The following USP25 variants were observed in gnomAD, a reference collection of about 807,000 sequenced individuals.
USP25 encodes ubiquitin carboxyl-terminal hydrolase 25.
USP25 carries 85 observed loss-of-function variants against 158.5 expected under a neutral mutation model. The observed-to-expected ratio is 0.54, with a 90% confidence interval of 0.45 to 0.64. USP25 has a LOEUF of 0.64. USP25 is among the 30% of genes least tolerant of loss of function. The pLI is 0.00. For missense variants in USP25, 1,242 were observed against 1,327.3 expected, an observed-to-expected ratio of 0.94 and a Z score of 1.00; for synonymous variants, 464 against 460.4, an observed-to-expected ratio of 1.01 and a Z score of -0.10.
intron 21 of USP25, among the ~76,000 whole-genome samples, chr21:15,864,738 C>CTATA (rs905652966): frequency 2.6e-5 from 4 of 152,102 alleles, no homozygotes; most frequent in Admixed American, 1.3e-4. Flanking sequence ...AACCTCTGTA[C>CTATA]TATATAGACA....
At chr21:15,775,737 C>G (rs2034602945) in intron 3 of USP25, among the ~76,000 whole-genome samples, 1 of 24,146 alleles carries the variant, frequency 4.1e-5, no homozygotes, top group Non-Finnish European at 1.0e-4. Flanking sequence ...ATAATGGTTG[C>G]CACCCCCCCC....
chr21:15,848,308 A>C (rs908197016), intron 19 of USP25, among the ~76,000 whole-genome samples: 17 of 151,970 alleles, frequency 1.1e-4, no homozygotes, highest in Non-Finnish European at 2.4e-4. Flanking sequence ...GTTTATTCTT[A>C]TCTCTTCACT....
At chr21:15,864,475 T>C (rs1386428791) in intron 21 of USP25, 29 bp downstream of exon 21, 5 of 1,542,474 alleles carry the variant, frequency 3.2e-6, no homozygotes, top group African/African-American at 1.4e-5. Context: ...ATTCATATGC[T>C]CAAATCGTTC....
intron 1 of USP25, among the ~76,000 whole-genome samples, chr21:15,743,400 G>A (rs915961046): frequency 1.3e-5 from 2 of 152,176 alleles, no homozygotes; most frequent in South Asian, 2.1e-4. Flanking sequence ...GGAAGGCAGA[G>A]AAGAATGTTA....
At chr21:15,735,964 C>T (rs2031453583) in intron 1 of USP25, among the ~76,000 whole-genome samples, 1 of 145,042 alleles carries the variant, frequency 6.9e-6, no homozygotes, top group Non-Finnish European at 1.5e-5. Context: ...TGTCCTAAAT[C>T]TGTGTGTGTG....
intron 5 of USP25, among the ~76,000 whole-genome samples, chr21:15,792,856 C>T (rs1360527362): frequency 6.6e-6 from 1 of 151,494 alleles, no homozygotes; most frequent in Non-Finnish European, 1.5e-5. Flanking sequence ...TTTCCCAGGA[C>T]ATGAAGATGC....
intron 22 of USP25, among the ~76,000 whole-genome samples, chr21:15,867,339 T>C (rs1184291235): frequency 6.6e-6 from 1 of 152,106 alleles, no homozygotes; most frequent in African/African-American, 2.4e-5. Context: ...ATTAGTGTAA[T>C]TCACTACACA....
At chr21:15,762,867 A>T (rs778485609) in intron 1 of USP25, 24 bp from the exon 2 acceptor site, 1 of 1,598,910 alleles carries the variant, frequency 6.3e-7, no homozygotes, top group Admixed American at 1.7e-5. Context: ...GAATATAATG[A>T]TTTTGGGTTT....
At chr21:15,857,280 T>C (rs1383416268) in intron 20 of USP25, among the ~76,000 whole-genome samples, 1 of 152,234 alleles carries the variant, frequency 6.6e-6, no homozygotes, top group Non-Finnish European at 1.5e-5. Context: ...TTGTTGTTGC[T>C]GAATATTTGA....
intron 16 of USP25, among the ~76,000 whole-genome samples, chr21:15,832,823 C>G (rs2037872119): frequency 1.3e-5 from 2 of 152,004 alleles, no homozygotes; most frequent in Admixed American, 6.6e-5. Flanking sequence ...TCGAGACCAT[C>G]CTGGCTAACA....
In USP25 at chr21:15,754,630, G is replaced by A. The variant is rs2033256930; in HGVS notation, c.46-8261G>A. Among the ~76,000 whole-genome samples, 8 of 152,300 alleles carry A rather than the reference G, an allele frequency of 5.3e-5. No individual in the cohort carries two copies. The South Asian group carries it at 1.7e-3, about 32-fold the overall frequency. ...GAATGGTGTTCTGTAGACCCTGAAT[G>A]AAAGAGAGGGAAGAGGAATGCCAGG... On this transcript the variant is annotated intron_variant, in intron 1 of 25. Transcript: ENST00000400183.
chr21:15,807,827 G>A (rs915544071), intron 7 of USP25, among the ~76,000 whole-genome samples: 1 of 152,190 alleles, frequency 6.6e-6, no homozygotes, highest in Non-Finnish European at 1.5e-5. Flanking sequence ...TGAGGATCTA[G>A]GTGGACATAT....
chr21:15,847,014 G>A (rs1010569792), intron 18 of USP25, among the ~76,000 whole-genome samples: 3 of 152,102 alleles, frequency 2.0e-5, no homozygotes, highest in South Asian at 2.1e-4. Context: ...TTTTCAGCAG[G>A]TGTTTGTTGA....
intron 4 of USP25, among the ~76,000 whole-genome samples, chr21:15,787,265 T>C (rs921050905): frequency 6.6e-6 from 1 of 152,144 alleles, no homozygotes; most frequent in Non-Finnish European, 1.5e-5. Context: ...CAAAAATTCA[T>C]GTGGAACCAC....
intron 18 of USP25, among the ~76,000 whole-genome samples, chr21:15,846,158 A>ATATATTTT (rs1325255884): frequency 8.4e-5 from 2 of 23,940 alleles, no homozygotes; most frequent in Non-Finnish European, 1.4e-4. Context: ...ATATATATAT[A>ATATATTTT]TTTTTTTTTT....
At position 15,869,388 on chromosome 21, in the gene USP25, A is replaced by G. The variant is rs367622989; in HGVS notation, c.2806-680A>G. Among the ~76,000 whole-genome samples the G allele has an allele frequency of 1.4e-3, 206 of 152,284 alleles. 1 individual carries two copies. Among genetic ancestry groups the G allele is most frequent in the Non-Finnish European group, 2.4e-3 (162 of 68,014 alleles). The stretch of plus-strand genomic sequence containing the variant: ...CACTTTCCAATTTATCCTACATTGA[A>G]TTTCAGTTATTTTTCTTGAGTCAAT... On this transcript the variant is annotated intron_variant, in intron 22 of 25. Transcript: ENST00000400183.
chr21:15,761,256 G>T (rs1215610122), intron 1 of USP25, among the ~76,000 whole-genome samples: 1 of 152,188 alleles, frequency 6.6e-6, no homozygotes, highest in East Asian at 1.9e-4. Context: ...GGCAGTGACT[G>T]TCAGGGTTTA....
At chr21:15,853,543 T>C (rs181439089) in intron 20 of USP25, among the ~76,000 whole-genome samples, 2 of 152,306 alleles carry the variant, frequency 1.3e-5, no homozygotes, top group African/African-American at 4.8e-5. Flanking sequence ...TTATGGATTT[T>C]TTTTGCCATA....
intron 8 of USP25, 93 bp from the exon 9 acceptor site, chr21:15,811,044 T>C: frequency 8.9e-7 from 1 of 1,127,414 alleles, no homozygotes; most frequent in East Asian, 2.5e-5. Flanking sequence ...ACATAAGTGT[T>C]TTTGTCTTGT....
Sources: allele counts gnomAD v4.1 joint callset (sites outside exome capture counted in the v4.1 genomes callset), GRCh38; gene constraint gnomAD v4.1.1; transcripts MANE v1.5; gene names NCBI Gene and HGNC (gene_info 2026-07-23, HGNC 2026-07-21).